FRMD4B: variants seen among roughly 807,000 people sequenced by gnomAD.
The protein encoded by FRMD4B is FERM domain containing 4B.
FRMD4B carries 74 observed loss-of-function variants against 141.5 expected under a neutral mutation model. That is an observed-to-expected ratio of 0.52 (90% CI 0.43 to 0.63). The LOEUF (loss-of-function observed/expected upper bound fraction) is 0.63, where lower values mean the gene tolerates loss of function less well. Ranked by LOEUF, FRMD4B falls within the 30% of genes least tolerant of loss-of-function variation. The pLI, the probability that FRMD4B is intolerant of heterozygous loss-of-function variation, is 0.00. For synonymous variants in FRMD4B, 506 were observed against 467.9 expected (o/e 1.08, Z -1.05); for missense variants, 1,366 against 1,253.4 (o/e 1.09, Z -1.36).
chr3:69,185,833 G>A (rs1376740514), intron 19 of FRMD4B, among the ~76,000 whole-genome samples: 1 of 152,118 alleles, frequency 6.6e-6, no homozygotes, highest in Non-Finnish European at 1.5e-5. Flanking sequence ...CCTGAGGTCA[G>A]GAGTTCAAGA....
At chr3:69,500,133 G>A (rs1196872052) in intron 1 of FRMD4B, among the ~76,000 whole-genome samples, 1 of 152,182 alleles carries the variant, frequency 6.6e-6, no homozygotes, top group Admixed American at 6.5e-5. Context: ...CCAGAGCTGT[G>A]GCTGAGCTGG....
intron 1 of FRMD4B, chr3:69,535,873 A>C: frequency 2.2e-6 from 1 of 445,042 alleles, no homozygotes; most frequent in Non-Finnish European, 4.5e-6. Flanking sequence ...CTTCTGGTCG[A>C]GGAAGCAATG....
intron 7 of FRMD4B, chr3:69,228,322 T>C (rs886774057): frequency 6.6e-6 from 3 of 456,740 alleles, no homozygotes; most frequent in Non-Finnish European, 1.3e-5. Flanking sequence ...CTCTGAATAT[T>C]AGACATCTCA....
intron 1 of FRMD4B, among the ~76,000 whole-genome samples, chr3:69,349,291 GAACTACAAACCA>G (rs1703053939): frequency 6.6e-6 from 1 of 152,130 alleles, no homozygotes; most frequent in South Asian, 2.1e-4. Context: ...TCTTCAAGGA[GAACTACAAACCA>G]CTGCTCAATG....
chr3:69,498,452 G>C (rs555312026), intron 1 of FRMD4B, among the ~76,000 whole-genome samples: 2 of 152,196 alleles, frequency 1.3e-5, no homozygotes, highest in Non-Finnish European at 2.9e-5. Context: ...GAGAGAGAGA[G>C]AGACAGAAAG....
chr3:69,193,813 C>A lies in FRMD4B; in HGVS notation c.1549G>T (p.Ala517Ser). ...TCTGGCTCATTGGCAAGTTTCTTTG[C>A]AGCTTCCACCAGCTTTTGTTGTATT... is the stretch of plus-strand genomic sequence containing the variant. The part of the protein sequence containing the change: ...FLIQQKLVEA[A>S]KKLANEPDLC... The change falls in exon 17 of 23, where the codon GCA becomes TCA. Residue 517 changes from alanine (A) to serine (S), a missense_variant. Ala to Ser is a moderately conservative substitution (Grantham distance 99, BLOSUM62 1). Coordinates refer to ENST00000398540, the MANE Select transcript of FRMD4B (RefSeq NM_015123.3). The A allele has an allele frequency of 6.8e-6, 11 of 1,613,718 alleles. No homozygotes were observed. The highest frequency in any genetic ancestry group is 9.3e-6 in the Non-Finnish European group (11 of 1,179,656).
chr3:69,171,533 G>C lies in FRMD4B; in HGVS notation c.*328C>G, dbSNP rs28529735. ...CCTGAATGCCCTTTCATGTTTTTGA[G>C]GTTTGCCTTTAACAACTTTTACTCC... On this transcript the variant is annotated 3_prime_UTR_variant, in exon 23 of 23. Coordinates refer to ENST00000398540, the MANE Select transcript of FRMD4B (RefSeq NM_015123.3). 161,169 of 186,988 alleles carry C rather than the reference G, an allele frequency of 0.86. 72,551 individuals carry two copies. The highest frequency in any genetic ancestry group is 0.99 in the Non-Finnish European group (90,103 of 90,900). 11.6% of individuals were successfully genotyped at this position (186,988 alleles called of 1,614,324 possible).
chr3:69,304,198 G>A (rs1356777432), intron 3 of FRMD4B, among the ~76,000 whole-genome samples: 2 of 145,594 alleles, frequency 1.4e-5, no homozygotes, highest in Admixed American at 6.9e-5. Flanking sequence ...AAAAAAGGCC[G>A]GGCACAGTGG....
At chr3:69,393,864 G>A (rs981253654) in intron 2 of FRMD4B, among the ~76,000 whole-genome samples, 1 of 152,128 alleles carries the variant, frequency 6.6e-6, no homozygotes, top group Non-Finnish European at 1.5e-5. Flanking sequence ...CCATTTCATG[G>A]ATAAAGAAAC....
At chr3:69,350,110 C>T (rs1022412619) in intron 1 of FRMD4B, among the ~76,000 whole-genome samples, 12 of 152,114 alleles carry the variant, frequency 7.9e-5, no homozygotes, top group African/African-American at 2.9e-4. Context: ...CTACAATGAA[C>T]TCCAACAAAT....
intron 1 of FRMD4B, among the ~76,000 whole-genome samples, chr3:69,459,494 G>A (rs1705675014): frequency 6.6e-6 from 1 of 152,188 alleles, no homozygotes; most frequent in South Asian, 2.1e-4. Context: ...ATGCCTGTAT[G>A]TGCTACCCAC....
intron 1 of FRMD4B, among the ~76,000 whole-genome samples, chr3:69,328,765 C>A (rs953344404): frequency 6.6e-6 from 1 of 152,192 alleles, no homozygotes; most frequent in African/African-American, 2.4e-5. Flanking sequence ...TTACAAATGC[C>A]ATGGCAACAT....
chr3:69,220,183 G>A (rs1490633835), intron 9 of FRMD4B, among the ~76,000 whole-genome samples: 3 of 152,152 alleles, frequency 2.0e-5, no homozygotes, highest in African/African-American at 7.2e-5. Flanking sequence ...CTGGATGGTA[G>A]AGCCTACTAC....
intron 1 of FRMD4B, among the ~76,000 whole-genome samples, chr3:69,496,901 T>TC (rs1346031921): frequency 6.6e-6 from 1 of 151,756 alleles, no homozygotes; most frequent in Non-Finnish European, 1.5e-5. Context: ...ATGGTAGTTT[T>TC]TTTTTTATTA....
intron 1 of FRMD4B, among the ~76,000 whole-genome samples, chr3:69,540,630 A>ATATATAT (rs1346369708): frequency 1.3e-5 from 1 of 74,746 alleles, no homozygotes; most frequent in African/African-American, 7.8e-5. Flanking sequence ...AAAAAAAAAA[A>ATATATAT]AAAAAAATAT....
intron 9 of FRMD4B, among the ~76,000 whole-genome samples, chr3:69,220,818 C>T (rs1286484254): frequency 6.6e-6 from 1 of 152,166 alleles, no homozygotes; most frequent in African/African-American, 2.4e-5. Context: ...TGCATCACGG[C>T]ACTCCAGCCT....
At chr3:69,260,167 C>T (rs1479587882) in intron 5 of FRMD4B, among the ~76,000 whole-genome samples, 3 of 152,150 alleles carry the variant, frequency 2.0e-5, no homozygotes, top group Admixed American at 6.5e-5. Context: ...ACTCTGGTCT[C>T]GCTTGAGGAG....
chr3:69,340,024 A>C (rs1353195077), intron 1 of FRMD4B, among the ~76,000 whole-genome samples: 2 of 151,076 alleles, frequency 1.3e-5, no homozygotes, highest in African/African-American at 2.4e-5. Context: ...ACTTCCTCTT[A>C]CTCCCTGGGC....
chr3:69,223,668 G>A (rs1484515321), intron 8 of FRMD4B, among the ~76,000 whole-genome samples: 2 of 151,976 alleles, frequency 1.3e-5, no homozygotes, highest in African/African-American at 2.4e-5. Context: ...GTGAAACCCC[G>A]ACTCTACTAA....
Sources: gnomAD v4.1 joint callset for allele counts (sites outside exome capture counted in the v4.1 genomes callset) on GRCh38, gnomAD v4.1.1 for gene constraint, MANE v1.5 for transcripts, NCBI Gene and HGNC (gene_info 2026-07-23, HGNC 2026-07-21) for gene names.